Variants in ARHGAP20 observed in about 807,000 individuals in gnomAD.
ARHGAP20 encodes the protein rho GTPase-activating protein 20.
ARHGAP20 carries 34 observed loss-of-function variants against 73.7 expected under a neutral mutation model. The observed-to-expected ratio is 0.46, with a 90% CI of 0.35 to 0.61. The LOEUF (loss-of-function observed/expected upper bound fraction) is 0.61. ARHGAP20 is among the 20% of genes least tolerant of loss of function. The pLI is 0.00. For synonymous variants in ARHGAP20, 523 were observed against 518.2 expected, an observed-to-expected ratio of 1.01 and a Z score of -0.13; for missense variants, 1,314 against 1,420.9, an observed-to-expected ratio of 0.92 and a Z score of 1.21.
intron 2 of ARHGAP20, among the ~76,000 whole-genome samples, chr11:110,687,423 C>T (rs1422757941): frequency 6.6e-6 from 1 of 152,118 alleles, no homozygotes; most frequent in African/African-American, 2.4e-5. Context: ...TCTGGGAGAA[C>T]TGGCTCTAAT....
At chr11:110,591,873 CAGT>C in intron 10 of ARHGAP20, 101 bp downstream of exon 10, 1 of 1,189,166 alleles carries the variant, frequency 8.4e-7, no homozygotes, top group Non-Finnish European at 1.2e-6. Context: ...TAGCCAAAGA[CAGT>C]GGTGTCTATA....
chr11:110,619,307 T>C (rs1476636985), intron 4 of ARHGAP20, among the ~76,000 whole-genome samples: 1 of 133,008 alleles, frequency 7.5e-6, no homozygotes, highest in African/African-American at 2.9e-5. Context: ...TGATAGCATA[T>C]ATGTAGAGTG....
chr11:110,654,422 A>C (rs1269858971), intron 2 of ARHGAP20, among the ~76,000 whole-genome samples: 3 of 152,222 alleles, frequency 2.0e-5, no homozygotes, highest in Admixed American at 6.5e-5. Flanking sequence ...ATCACAAATT[A>C]GTGCTAAATA....
intron 10 of ARHGAP20, 68 bp from the exon 11 acceptor site, chr11:110,590,877 C>T: frequency 6.8e-7 from 1 of 1,477,926 alleles, no homozygotes; most frequent in Non-Finnish European, 9.1e-7. Context: ...TACACTTGCC[C>T]TCTTTGGATG....
At chr11:110,608,930 A>T in intron 8 of ARHGAP20, 54 bp downstream of exon 8, 1 of 1,468,372 alleles carries the variant, frequency 6.8e-7, no homozygotes, top group Non-Finnish European at 9.5e-7. Flanking sequence ...GGAGACACTT[A>T]GAATTATAAT....
At chr11:110,670,845 C>T (rs1949813663) in intron 2 of ARHGAP20, among the ~76,000 whole-genome samples, 1 of 151,904 alleles carries the variant, frequency 6.6e-6, no homozygotes. Context: ...GAGAACATTC[C>T]AATTAACTGA....
chr11:110,711,670 C>G (rs1395993719), intron 1 of ARHGAP20: 2 of 1,463,476 alleles, frequency 1.4e-6, no homozygotes, highest in Non-Finnish European at 1.8e-6. Context: ...TCTTCAGCGC[C>G]GGCTGCCGCT....
At chr11:110,612,805 A>C (rs1161655139) in intron 6 of ARHGAP20, among the ~76,000 whole-genome samples, 1 of 152,200 alleles carries the variant, frequency 6.6e-6, no homozygotes, top group Non-Finnish European at 1.5e-5. Context: ...TAATTTAAAA[A>C]AGCATTTAAA....
At position 110,578,879 on chromosome 11, in the gene ARHGAP20, A is replaced by G; in HGVS notation, c.*491T>C. 1 of 985,798 alleles carries G rather than the reference A, an allele frequency of 1.0e-6. No homozygotes were observed. The highest frequency in any genetic ancestry group is 4.7e-5 in the South Asian group (1 of 21,294). 61.1% of individuals were successfully genotyped at this position (985,798 alleles called of 1,614,324 possible). Reference sequence around the variant, plus strand: ...GCTTAGATTTAGGGAAAGATTTTATATGATGTTCTTCATTACTGGACACAC... The same window carrying G: ...GCTTAGATTTAGGGAAAGATTTTATGTGATGTTCTTCATTACTGGACACAC... On this transcript the variant is annotated 3_prime_UTR_variant, in exon 15 of 15. Coordinates refer to ENST00000683387, the MANE Select transcript of ARHGAP20 (RefSeq NM_001384657.1).
In ARHGAP20 at chr11:110,651,683, T is replaced by G. The variant is rs544148312; in HGVS notation, c.189-20891A>C. 4.0e-5 allele frequency among the ~76,000 whole-genome samples: 6 copies of G among 151,638 alleles called. No individual in the cohort carries two copies. The South Asian group carries it at 1.3e-3, about 32-fold the overall frequency. ...CACCCAAGACTGAACTAGGAAGAAGTTGAATCCCTGAATAGACCAATAATG... is the reference window on the plus strand; with the variant it reads ...CACCCAAGACTGAACTAGGAAGAAGGTGAATCCCTGAATAGACCAATAATG... On this transcript the variant is annotated intron_variant, in intron 2 of 14. Transcript: ENST00000683387.
chr11:110,600,475 A>G (rs548377522), intron 9 of ARHGAP20, among the ~76,000 whole-genome samples: 2 of 152,332 alleles, frequency 1.3e-5, no homozygotes, highest in East Asian at 3.9e-4. Context: ...GACTGTGTGC[A>G]GTGTCCAGGC....
chr11:110,695,552 C>T (rs866884906), intron 1 of ARHGAP20, among the ~76,000 whole-genome samples: 3 of 151,498 alleles, frequency 2.0e-5, no homozygotes, highest in African/African-American at 4.8e-5. Flanking sequence ...AGAAGATATA[C>T]GAATTGCCAA....
At position 110,594,629 on chromosome 11, in the gene ARHGAP20, AAAAAC is replaced by A. The variant is rs373278521; in HGVS notation, c.965-2479_965-2475del. Among the ~76,000 whole-genome samples the A allele has an allele frequency of 4.0e-3, 608 of 152,304 alleles. 5 individuals are homozygous for A. The highest frequency in any genetic ancestry group is 0.014 in the African/African-American group (568 of 41,542). On this transcript the variant is annotated intron_variant, in intron 9 of 14. Coordinates refer to ENST00000683387, the MANE Select transcript of ARHGAP20 (RefSeq NM_001384657.1). Reference sequence around the variant, plus strand: ...GACATTCTCAAACTCCATTATTTAAAAAAACAAAACAAAAACGGAAAAGGACCAAC... The same window carrying A: ...GACATTCTCAAACTCCATTATTTAAAAAAACAAAAACGGAAAAGGACCAAC...
chr11:110,604,999 G>A (rs1948190820), intron 9 of ARHGAP20, among the ~76,000 whole-genome samples: 1 of 152,166 alleles, frequency 6.6e-6, no homozygotes, highest in Non-Finnish European at 1.5e-5. Context: ...GGTCATTAAT[G>A]ATACCAAGTA....
rs573948218 is a variant in ARHGAP20, at chr11:110,626,500, G to A, written c.354-2189C>T. Reference sequence around the variant, plus strand: ...ACACATTATTTAGTTTGATCCTCAGGAATTTTACAGGTAAGGAAATGGAGT... The same window carrying A: ...ACACATTATTTAGTTTGATCCTCAGAAATTTTACAGGTAAGGAAATGGAGT... On this transcript the variant is annotated intron_variant, in intron 3 of 14. Transcript: ENST00000683387. Among the ~76,000 whole-genome samples the A allele has an allele frequency of 5.3e-5, 8 of 152,226 alleles. No homozygotes were observed. In the East Asian group the frequency reaches 1.3e-3, roughly 26 times the overall value.
At chr11:110,605,101 C>A (rs968859930) in intron 9 of ARHGAP20, among the ~76,000 whole-genome samples, 10 of 152,034 alleles carry the variant, frequency 6.6e-5, no homozygotes, top group Non-Finnish European at 1.3e-4. Context: ...AAAAGAAGGT[C>A]AAAGAAACAG....
In ARHGAP20 at chr11:110,683,653, G is replaced by C. The variant is rs142055256; in HGVS notation, c.188+6894C>G. Reference sequence around the variant, plus strand: ...GAGTGCTATGATTAAAAGATATATAGGGTGGTTATCACACTATGCCCCATA... The same window carrying C: ...GAGTGCTATGATTAAAAGATATATACGGTGGTTATCACACTATGCCCCATA... On this transcript the variant is annotated intron_variant, in intron 2 of 14. Coordinates refer to ENST00000683387, the MANE Select transcript of ARHGAP20 (RefSeq NM_001384657.1). Among the ~76,000 whole-genome samples the C allele has an allele frequency of 1.5e-3, 235 of 152,202 alleles. 1 individual carries two copies. Among genetic ancestry groups the C allele is most frequent in the African/African-American group, 4.9e-3 (203 of 41,532 alleles).
At chr11:110,624,428 T>C (rs1265258669) in intron 3 of ARHGAP20, 117 bp from the exon 4 acceptor site, 5 of 753,460 alleles carry the variant, frequency 6.6e-6, no homozygotes, top group Non-Finnish European at 1.0e-5. Context: ...AACCAAATAC[T>C]GCATGTTCTC....
At chr11:110,664,552 C>A (rs1490143426) in intron 2 of ARHGAP20, among the ~76,000 whole-genome samples, 2 of 151,776 alleles carry the variant, frequency 1.3e-5, no homozygotes, top group Non-Finnish European at 2.9e-5. Flanking sequence ...CACGGTGAAA[C>A]CCCATCTCTA....
Sources: allele counts gnomAD v4.1 joint callset (sites outside exome capture counted in the v4.1 genomes callset), GRCh38; gene constraint gnomAD v4.1.1; transcripts MANE v1.5; gene names NCBI Gene and HGNC (gene_info 2026-07-23, HGNC 2026-07-21).